The following PDE10A variants were observed in gnomAD, a reference collection of about 807,000 sequenced individuals.
PDE10A encodes cAMP and cAMP-inhibited cGMP 3',5'-cyclic phosphodiesterase 10A.
Under a neutral mutation model 97.7 loss-of-function variants are expected in PDE10A, and 39 were observed. That is an observed-to-expected ratio of 0.40 (90% CI 0.31 to 0.52). PDE10A has a LOEUF of 0.52. PDE10A is among the 20% of genes least tolerant of loss of function. The probability of loss-of-function intolerance (pLI) is 0.56; values close to 1 mark genes in which losing one functional copy is unlikely to be tolerated. For synonymous variants in PDE10A, 371 were observed against 376.8 expected (o/e 0.98, Z 0.18); for missense variants, 731 against 1,047.8 (o/e 0.70, Z 4.17).
In PDE10A at chr6:165,826,317, T is replaced by C. The variant is rs539487736; in HGVS notation, c.-615+161212A>G. Among the ~76,000 whole-genome samples, 615 of 152,008 alleles carry C rather than the reference T, an allele frequency of 4.0e-3. 5 individuals are homozygous for C. Among genetic ancestry groups the C allele is most frequent in the African/African-American group, 0.014 (588 of 41,482 alleles). ...CCATGTCCGTCTTCATGTCCCTCTG[T>C]CCCTGCATCCTTCTGTCCCCATGTC... On this transcript the variant is annotated intron_variant, in intron 1 of 19. Transcript: ENST00000366882.
intron 1 of PDE10A, among the ~76,000 whole-genome samples, chr6:165,933,560 A>T (rs1217180537): frequency 6.6e-6 from 1 of 152,204 alleles, no homozygotes; most frequent in Non-Finnish European, 1.5e-5. Context: ...AAATTTATAC[A>T]AATTCACATG....
chr6:165,581,954 A>C (rs1413022741), intron 1 of PDE10A, among the ~76,000 whole-genome samples: 1 of 152,164 alleles, frequency 6.6e-6, no homozygotes, highest in African/African-American at 2.4e-5. Context: ...GATTTTCCTT[A>C]TCTCTTTATC....
chr6:165,724,163 C>T (rs968344236), intron 1 of PDE10A, among the ~76,000 whole-genome samples: 11 of 152,184 alleles, frequency 7.2e-5, no homozygotes, highest in Non-Finnish European at 1.2e-4. Flanking sequence ...GACGTCTTTG[C>T]CCTTTACTTA....
intron 18 of PDE10A, among the ~76,000 whole-genome samples, chr6:165,351,326 C>T (rs1007923239): frequency 2.6e-5 from 4 of 152,020 alleles, no homozygotes; most frequent in Non-Finnish European, 4.4e-5. Flanking sequence ...GTAAGGGCCA[C>T]TGGTAAGGAC....
At chr6:165,590,673 C>T (rs923209052) in intron 1 of PDE10A, among the ~76,000 whole-genome samples, 5 of 152,116 alleles carry the variant, frequency 3.3e-5, no homozygotes, top group African/African-American at 1.2e-4. Flanking sequence ...GGGTGGATCA[C>T]GAGATCAGCA....
At chr6:165,730,645 C>A (rs1200754364) in intron 1 of PDE10A, among the ~76,000 whole-genome samples, 8 of 151,250 alleles carry the variant, frequency 5.3e-5, no homozygotes, top group African/African-American at 2.0e-4. Context: ...CCCAGCTACT[C>A]AGAAGGCTGA....
At chr6:165,430,256 A>C in intron 9 of PDE10A, 31 bp downstream of exon 9, 1 of 1,506,540 alleles carries the variant, frequency 6.6e-7, no homozygotes, top group South Asian at 1.2e-5. Context: ...TTGATTAATA[A>C]GAGCTACTAT....
chr6:165,330,845 G>A lies in PDE10A; in HGVS notation c.*2180C>T, dbSNP rs1697525996. 6.6e-6 allele frequency: 1 copy of A among 152,140 alleles called. No homozygotes were observed. The highest frequency in any genetic ancestry group is 2.1e-4 in the South Asian group (1 of 4,836). 9.4% of individuals were successfully genotyped at this position (152,140 alleles called of 1,614,324 possible). On this transcript the variant is annotated 3_prime_UTR_variant, in exon 22 of 22. Coordinates refer to ENST00000539869, the MANE Select transcript of PDE10A (RefSeq NM_001385079.1). ...CTGAAATTCCATCTCCAAGCGAAATGAGATAACTAAACTAACTTTTGTGAC... is the reference window on the plus strand; with the variant it reads ...CTGAAATTCCATCTCCAAGCGAAATAAGATAACTAAACTAACTTTTGTGAC...
At chr6:165,656,355 T>C (rs3008054) in intron 1 of PDE10A, among the ~76,000 whole-genome samples, 102,684 of 149,180 alleles carry the variant, frequency 0.69, 36,928 homozygotes, top group Middle Eastern at 0.8. Flanking sequence ...ACCAGCCACC[T>C]GGATGTGTGA....
chr6:165,885,329 A>T (rs1003055194), intron 1 of PDE10A, among the ~76,000 whole-genome samples: 6 of 152,192 alleles, frequency 3.9e-5, no homozygotes, highest in Non-Finnish European at 8.8e-5. Flanking sequence ...CTTCTTCACA[A>T]GGTGGCAGAA....
intron 1 of PDE10A, among the ~76,000 whole-genome samples, chr6:165,588,602 T>C (rs181664501): frequency 6.6e-6 from 1 of 152,304 alleles, no homozygotes; most frequent in Non-Finnish European, 1.5e-5. Context: ...GTTAGCTTTA[T>C]GATTTTACTT....
intron 1 of PDE10A, among the ~76,000 whole-genome samples, chr6:165,932,235 G>T (rs985250907): frequency 1.3e-5 from 2 of 152,138 alleles, no homozygotes; most frequent in Non-Finnish European, 2.9e-5. Flanking sequence ...CAAGTCTTGA[G>T]GTTAATAAGG....
intron 1 of PDE10A, among the ~76,000 whole-genome samples, chr6:165,695,589 G>A (rs967268298): frequency 2.0e-5 from 3 of 152,166 alleles, no homozygotes; most frequent in Non-Finnish European, 4.4e-5. Context: ...AGTTGGGAGT[G>A]GGGGAGAGGT....
chr6:165,812,356 A>G (rs2128467511), intron 1 of PDE10A, among the ~76,000 whole-genome samples: 1 of 152,352 alleles, frequency 6.6e-6, no homozygotes, highest in Non-Finnish European at 1.5e-5. Context: ...TTCAGTGTTT[A>G]AACAAAAAAT....
At chr6:165,463,174 G>A (rs1006200206) in intron 3 of PDE10A, among the ~76,000 whole-genome samples, 3 of 152,142 alleles carry the variant, frequency 2.0e-5, no homozygotes, top group East Asian at 1.9e-4. Context: ...ACAGTCAGAC[G>A]GTAGAAATGG....
chr6:165,777,103 T>C (rs561364976), intron 1 of PDE10A, among the ~76,000 whole-genome samples: 6 of 152,308 alleles, frequency 3.9e-5, no homozygotes, highest in Admixed American at 3.9e-4. Context: ...TGGCACTCCA[T>C]GCTTGTCTAC....
At chr6:165,838,965 T>C (rs1780140285) in intron 1 of PDE10A, among the ~76,000 whole-genome samples, 1 of 152,216 alleles carries the variant, frequency 6.6e-6, no homozygotes, top group Admixed American at 6.5e-5. Flanking sequence ...TGATTTGCAA[T>C]CAGGAACCGT....
chr6:165,594,022 A>G lies in PDE10A; in HGVS notation c.866-50454T>C, dbSNP rs115879129. Among the ~76,000 whole-genome samples, 400 of 152,354 alleles carry G rather than the reference A, an allele frequency of 2.6e-3. 2 individuals carry two copies. Among genetic ancestry groups the G allele is most frequent in the African/African-American group, 9.2e-3 (382 of 41,588 alleles). On this transcript the variant is annotated intron_variant, in intron 1 of 21. Transcript: ENST00000539869. ...CTTTGTATAATATTGTTTTACAAAA[A>G]TTAGGAAGAATCCTATGGTACTGGA...
chr6:165,692,678 C>T lies in PDE10A; in HGVS notation c.-614-149110G>A, dbSNP rs1034850438. Among the ~76,000 whole-genome samples, 5 of 152,334 alleles carry T rather than the reference C, an allele frequency of 3.3e-5. No individual in the cohort carries two copies. In the South Asian group the frequency reaches 8.3e-4, roughly 25 times the overall value. On this transcript the variant is annotated intron_variant, in intron 1 of 19. Transcript: ENST00000366882. ...AGCATTTTCTCGGCAGTAACGCATG[C>T]TGTACACAGACATGCCCTGCTAACC...
Sources: gnomAD v4.1 joint callset for allele counts (sites outside exome capture counted in the v4.1 genomes callset) on GRCh38, gnomAD v4.1.1 for gene constraint, MANE v1.5 for transcripts, NCBI Gene and HGNC (gene_info 2026-07-23, HGNC 2026-07-21) for gene names.